The following GRIK1 variants were observed in gnomAD, a reference collection of about 807,000 sequenced individuals.
The protein encoded by GRIK1 is glutamate ionotropic receptor kainate type subunit 1, also known as glutamate receptor ionotropic, kainate 1.
In GRIK1, 69 loss-of-function variants were observed where a neutral mutation model predicts 105.7. The observed-to-expected ratio is 0.65, with a 90% confidence interval of 0.54 to 0.80. The LOEUF (loss-of-function observed/expected upper bound fraction) is 0.80, where lower values mean the gene tolerates loss of function less well. GRIK1 is among the 30% of genes least tolerant of loss of function. GRIK1 has a pLI of 0.00. For synonymous variants in GRIK1, 438 were observed against 431.3 expected, an observed-to-expected ratio of 1.02 and a Z score of -0.19; for missense variants, 1,109 against 1,167.3, an observed-to-expected ratio of 0.95 and a Z score of 0.73.
rs904093667 is a variant in GRIK1 at position 29,939,581 on chromosome 21, G to C, written c.-81C>G. The C allele has an allele frequency of 3.6e-6, 3 of 823,328 alleles. No individual in the cohort carries two copies. Among genetic ancestry groups the C allele is most frequent in the Non-Finnish European group, 5.7e-6 (3 of 524,260 alleles). The allele number at this position is 823,328 out of a possible 1,614,324, so 51.0% of individuals were successfully genotyped here. ...TGCACCCAACTTGGGCCGGGTCCCC[G>C]CCTCATCCTCTCTGGATGCTCCGGT... On this transcript the variant is annotated 5_prime_UTR_variant, in exon 1 of 18. Coordinates refer to ENST00000327783, the MANE Select transcript of GRIK1 (RefSeq NM_001330994.2).
chr21:29,596,017 C>G lies in GRIK1; in HGVS notation c.1251+509G>C, dbSNP rs58804530. 354 of 248,230 alleles carry G rather than the reference C, an allele frequency of 1.4e-3. 1 individual carries two copies. The highest frequency in any genetic ancestry group is 7.7e-3 in the African/African-American group (337 of 43,748). The allele number at this position is 248,230 out of a possible 1,614,324, so 15.4% of individuals were successfully genotyped here. On this transcript the variant is annotated intron_variant, in intron 9 of 17. Coordinates refer to ENST00000327783, the MANE Select transcript of GRIK1 (RefSeq NM_001330994.2). ...AGTATACTCTGATGAAGATATCACACAAAACAAAAGATAGCTCATGAGAAA... is the reference window on the plus strand; with the variant it reads ...AGTATACTCTGATGAAGATATCACAGAAAACAAAAGATAGCTCATGAGAAA...
rs184715083 is a variant in GRIK1 at position 29,666,900 on chromosome 21, A to G, written c.726+6083T>C. Among the ~76,000 whole-genome samples the G allele has an allele frequency of 2.7e-3, 416 of 152,304 alleles. 1 individual carries two copies. Among genetic ancestry groups the G allele is most frequent in the African/African-American group, 9.4e-3 (390 of 41,564 alleles). ...TTTCAAAGCCTCAGATAAGTTTTAA[A>G]TCCCAGACCTGCCACTTGCTAGCTT... On this transcript the variant is annotated intron_variant, in intron 4 of 17. Transcript: ENST00000327783.
chr21:29,760,880 A>G (rs1375186680), intron 1 of GRIK1, among the ~76,000 whole-genome samples: 1 of 152,210 alleles, frequency 6.6e-6, no homozygotes, highest in Non-Finnish European at 1.5e-5. Context: ...TTTCTCTTAG[A>G]AGGGCTTTTA....
chr21:29,916,116 T>TTTACTTTGAAAAGTTATCTAG (rs2070987004), intron 1 of GRIK1, among the ~76,000 whole-genome samples: 1 of 151,850 alleles, frequency 6.6e-6, no homozygotes, highest in East Asian at 1.9e-4. Flanking sequence ...ATCTAGTTTC[T>TTTACTTTGAAAAGTTATCTAG]TTTCTTTGAA....
intron 1 of GRIK1, among the ~76,000 whole-genome samples, chr21:29,848,779 A>ATATATATATATATATATATATATTTTT: frequency 1.5e-4 from 12 of 77,858 alleles, no homozygotes; most frequent in African/African-American, 5.8e-4. Flanking sequence ...ATATATATAT[A>ATATATATATATATATATATATATTTTT]TTTTTTTTTT....
At chr21:29,638,027 T>C (rs187780192) in intron 7 of GRIK1, among the ~76,000 whole-genome samples, 20 of 152,272 alleles carry the variant, frequency 1.3e-4, no homozygotes, top group Admixed American at 2.6e-4. Flanking sequence ...ATGACTCCAA[T>C]AATAATAATG....
chr21:29,731,584 G>C (rs548026369), intron 1 of GRIK1, among the ~76,000 whole-genome samples: 91 of 152,268 alleles, frequency 6.0e-4, no homozygotes, highest in Non-Finnish European at 1.1e-3. Flanking sequence ...CCATCAACTG[G>C]AAAATTTGCT....
At chr21:29,541,573 G>GTTTTTTTTTTTTTTTTTTT (rs1202014711) in intron 16 of GRIK1, among the ~76,000 whole-genome samples, 6 of 83,706 alleles carry the variant, frequency 7.2e-5, no homozygotes, top group Admixed American at 3.4e-4. Context: ...TGCACTCACG[G>GTTTTTTTTTTTTTTTTTTT]TCTTTTTTTT....
intron 1 of GRIK1, among the ~76,000 whole-genome samples, chr21:29,845,308 T>G (rs371857606): frequency 7.0e-4 from 107 of 152,310 alleles, no homozygotes; most frequent in African/African-American, 2.4e-3. Flanking sequence ...TTTACCACAT[T>G]TATGGTAAAA....
At chr21:29,705,070 C>A (rs945797381) in intron 1 of GRIK1, among the ~76,000 whole-genome samples, 2 of 152,190 alleles carry the variant, frequency 1.3e-5, no homozygotes, top group African/African-American at 2.4e-5. Context: ...AAGTTCACAA[C>A]CTGTGGTTCC....
chr21:29,667,939 G>T (rs1352135001), intron 4 of GRIK1, among the ~76,000 whole-genome samples: 1 of 152,204 alleles, frequency 6.6e-6, no homozygotes, highest in Non-Finnish European at 1.5e-5. Context: ...GGATTTCATA[G>T]TTGAACAAAG....
At position 29,648,381 on chromosome 21, in the gene GRIK1, A is replaced by G. The variant is rs185664227; in HGVS notation, c.954+2737T>C. On this transcript the variant is annotated intron_variant, in intron 6 of 17. Transcript: ENST00000327783. ...ACACTATTATTTTAAAGTAATCTCT[A>G]TTTTACTAATCATGCACATTCACAT... Among the ~76,000 whole-genome samples, 339 of 152,314 alleles carry G rather than the reference A, an allele frequency of 2.2e-3. 1 individual carries two copies. Among genetic ancestry groups the G allele is most frequent in the African/African-American group, 7.6e-3 (316 of 41,564 alleles).
At position 29,879,120 on chromosome 21, in the gene GRIK1, A is replaced by G. The variant is rs545784374; in HGVS notation, c.118+60263T>C. On this transcript the variant is annotated intron_variant, in intron 1 of 17. Transcript: ENST00000327783. ...CTGAGCAGGAGGGTCTAAGCTTGTC[A>G]ATCCTGTTAATGGAATTAGGCAGCA... Among the ~76,000 whole-genome samples, 5 of 152,240 alleles carry G rather than the reference A, an allele frequency of 3.3e-5. No homozygotes were observed. The South Asian group carries it at 1.0e-3, about 32-fold the overall frequency.
At chr21:29,616,502 G>C (rs1601280361) in intron 7 of GRIK1, among the ~76,000 whole-genome samples, 1 of 152,168 alleles carries the variant, frequency 6.6e-6, no homozygotes, top group African/African-American at 2.4e-5. Flanking sequence ...TGATATTTTA[G>C]CAGAATTGCT....
At chr21:29,779,019 A>G (rs1381206440) in intron 1 of GRIK1, among the ~76,000 whole-genome samples, 2 of 152,202 alleles carry the variant, frequency 1.3e-5, no homozygotes, top group African/African-American at 4.8e-5. Flanking sequence ...GCCCCCAAGA[A>G]AATAAGTCTT....
At chr21:29,893,940 C>T (rs1366110981) in intron 1 of GRIK1, among the ~76,000 whole-genome samples, 2 of 151,972 alleles carry the variant, frequency 1.3e-5, no homozygotes, top group African/African-American at 2.4e-5. Context: ...AGCATTAGTG[C>T]GTGTGTGTTG....
At chr21:29,615,105 G>A (rs144029376) in intron 7 of GRIK1, among the ~76,000 whole-genome samples, 4 of 151,670 alleles carry the variant, frequency 2.6e-5, no homozygotes, top group African/African-American at 9.8e-5. Context: ...AAGCTGTTCC[G>A]AACCCTTTTG....
intron 1 of GRIK1, among the ~76,000 whole-genome samples, chr21:29,736,010 G>C (rs993554772): frequency 6.6e-6 from 1 of 151,936 alleles, no homozygotes; most frequent in African/African-American, 2.4e-5. Flanking sequence ...TCCCTAGCAC[G>C]ACCCCAAGAC....
At chr21:29,645,519 T>C (rs1395008858) in intron 6 of GRIK1, among the ~76,000 whole-genome samples, 2 of 152,150 alleles carry the variant, frequency 1.3e-5, no homozygotes, top group African/African-American at 2.4e-5. Flanking sequence ...GGCAATAAAA[T>C]GATTCAAAAT....
Sources: allele counts gnomAD v4.1 joint callset (sites outside exome capture counted in the v4.1 genomes callset), GRCh38; gene constraint gnomAD v4.1.1; transcripts MANE v1.5; gene names NCBI Gene and HGNC (gene_info 2026-07-23, HGNC 2026-07-21).